KSR2: variants seen among roughly 807,000 people sequenced by gnomAD.
The protein encoded by KSR2 is kinase suppressor of ras 2.
A neutral mutation model predicts 107.8 loss-of-function variants in KSR2; 25 were observed. The observed-to-expected ratio is 0.23, with a 90% CI of 0.17 to 0.32. KSR2 has a LOEUF of 0.32. KSR2 is among the 10% of genes least tolerant of loss of function. KSR2 has a pLI of 1.00. For missense variants in KSR2, 887 were observed against 1,268.9 expected (o/e 0.70, Z 4.57); for synonymous variants, 480 against 507.0 (o/e 0.95, Z 0.71).
chr12:117,684,551 T>C (rs1885491683), intron 4 of KSR2, among the ~76,000 whole-genome samples: 1 of 152,150 alleles, frequency 6.6e-6, no homozygotes, highest in Non-Finnish European at 1.5e-5. Flanking sequence ...CCTCTATACA[T>C]ATTTCCAATA....
At chr12:117,799,126 T>C (rs1477362974) in intron 3 of KSR2, among the ~76,000 whole-genome samples, 2 of 152,206 alleles carry the variant, frequency 1.3e-5, no homozygotes, top group African/African-American at 4.8e-5. Context: ...TTTGGTGTGA[T>C]GAATATGTAT....
At chr12:117,876,767 A>T (rs916722087) in intron 1 of KSR2, among the ~76,000 whole-genome samples, 5 of 148,792 alleles carry the variant, frequency 3.4e-5, no homozygotes, top group Non-Finnish European at 7.4e-5. Flanking sequence ...ATATATATTT[A>T]TATATATATA....
At chr12:117,713,055 A>C (rs1245044107) in intron 4 of KSR2, among the ~76,000 whole-genome samples, 2 of 107,032 alleles carry the variant, frequency 1.9e-5, no homozygotes, top group Admixed American at 8.3e-5. Context: ...AAATATATAA[A>C]TATATATATA....
Position 117,462,429 on chromosome 12 carries a change from CAG to C in KSR2, c.*4768_*4769del, listed in dbSNP as rs1870949280. On this transcript the variant is annotated 3_prime_UTR_variant, in exon 20 of 20. Transcript: ENST00000339824. ...ATGGCCATATGAAGATAGGGACACACAGAGAGATGATGAGGGCAGGGATTGGA... is the reference window on the plus strand; with the variant it reads ...ATGGCCATATGAAGATAGGGACACACAGAGATGATGAGGGCAGGGATTGGA... The C allele has an allele frequency of 1.3e-5, 2 of 151,888 alleles. No homozygotes were observed. Among genetic ancestry groups the C allele is most frequent in the Non-Finnish European group, 2.9e-5 (2 of 68,022 alleles). 9.4% of individuals were successfully genotyped at this position (151,888 alleles called of 1,614,324 possible).
rs145706294 is a variant in KSR2 at position 117,609,896 on chromosome 12, A to C, written c.1172-27537T>G. On this transcript the variant is annotated intron_variant, in intron 5 of 19. Coordinates refer to ENST00000339824, the MANE Select transcript of KSR2 (RefSeq NM_173598.6). ...GGAGTGGAAAATCACTCCCAGTTGA[A>C]AACTACTGCCATATGGCCCACAAAA... Among the ~76,000 whole-genome samples the C allele has an allele frequency of 2.9e-4, 44 of 152,292 alleles. No homozygotes were observed. In the East Asian group the frequency reaches 7.5e-3, roughly 26 times the overall value.
chr12:117,659,029 C>T (rs542823036), intron 5 of KSR2, among the ~76,000 whole-genome samples: 1 of 152,080 alleles, frequency 6.6e-6, no homozygotes, highest in Admixed American at 6.6e-5. Flanking sequence ...ACAGTTCTAT[C>T]GCAGATAGAA....
intron 3 of KSR2, among the ~76,000 whole-genome samples, chr12:117,784,785 G>C (rs992391708): frequency 2.0e-5 from 3 of 152,156 alleles, no homozygotes; most frequent in Non-Finnish European, 1.5e-5. Flanking sequence ...GCCAGATAAT[G>C]TGCAAGTTAT....
At chr12:117,932,528 C>T (rs1241596734) in intron 1 of KSR2, among the ~76,000 whole-genome samples, 3 of 151,976 alleles carry the variant, frequency 2.0e-5, no homozygotes, top group Non-Finnish European at 2.9e-5. Context: ...CCAGCCTGGG[C>T]AATACAGCAA....
intron 3 of KSR2, among the ~76,000 whole-genome samples, chr12:117,798,087 G>A (rs998127656): frequency 4.3e-5 from 4 of 92,482 alleles, no homozygotes; most frequent in African/African-American, 3.5e-4. Context: ...TATCTCAAAA[G>A]CTAATTTTTT....
intron 14 of KSR2, among the ~76,000 whole-genome samples, chr12:117,498,433 A>G (rs547133740): frequency 1.6e-4 from 25 of 152,306 alleles, no homozygotes; most frequent in African/African-American, 6.0e-4. Flanking sequence ...AGAAGGTCTC[A>G]GAGCTGCTGG....
chr12:117,691,529 T>C (rs1885814527), intron 4 of KSR2, among the ~76,000 whole-genome samples: 2 of 152,202 alleles, frequency 1.3e-5, no homozygotes, highest in South Asian at 4.1e-4. Flanking sequence ...CAGTGAGGTT[T>C]GGCAGGTTGA....
At chr12:117,890,385 T>C (rs17586112) in intron 1 of KSR2, among the ~76,000 whole-genome samples, 23,348 of 152,170 alleles carry the variant, frequency 0.15, 2,360 homozygotes, top group East Asian at 0.48. Flanking sequence ...GAGCACCAGA[T>C]AGTACCTTTG....
intron 3 of KSR2, among the ~76,000 whole-genome samples, chr12:117,837,311 T>C (rs1892259990): frequency 6.6e-6 from 1 of 152,204 alleles, no homozygotes; most frequent in South Asian, 2.1e-4. Flanking sequence ...AAAGTTGAGA[T>C]GATCAGACCG....
intron 1 of KSR2, among the ~76,000 whole-genome samples, chr12:117,878,475 G>T (rs1023004020): frequency 6.6e-6 from 1 of 152,176 alleles, no homozygotes; most frequent in Non-Finnish European, 1.5e-5. Context: ...AGATGATGTT[G>T]TTAAAAATAA....
intron 3 of KSR2, among the ~76,000 whole-genome samples, chr12:117,763,074 T>C (rs1296941247): frequency 2.6e-5 from 4 of 152,058 alleles, no homozygotes; most frequent in African/African-American, 9.6e-5. Context: ...CAGAGTGTGA[T>C]GTTCCCCTTC....
intron 3 of KSR2, among the ~76,000 whole-genome samples, chr12:117,788,032 AAGG>A (rs1310503481): frequency 6.6e-6 from 1 of 152,254 alleles, no homozygotes; most frequent in African/African-American, 2.4e-5. Context: ...GGGAACCAGA[AAGG>A]AGAAGTCTTG....
chr12:117,968,622 A>AGAGGAGGAGGGAGAG lies in KSR2; in HGVS notation c.-382_-368dup, dbSNP rs765651235. ...AAAAAGAAGAGGAGAAGGAGGAGAG[A>AGAGGAGGAGGGAGAG]GAGGAGGAGGGAGAGGAGGAGGAGG... On this transcript the variant is annotated 5_prime_UTR_variant, in exon 1 of 20. Transcript: ENST00000339824. 5.6e-4 allele frequency: 185 copies of AGAGGAGGAGGGAGAG among 332,634 alleles called. No homozygotes were observed. The highest frequency in any genetic ancestry group is 1.2e-3 in the Middle Eastern group (1 of 866). 20.6% of individuals were successfully genotyped at this position (332,634 alleles called of 1,614,324 possible).
chr12:117,568,833 T>C (rs142958940), intron 7 of KSR2, among the ~76,000 whole-genome samples: 1 of 152,270 alleles, frequency 6.6e-6, no homozygotes, highest in East Asian at 1.9e-4. Context: ...TTATCATAGG[T>C]AAAAACGCAT....
At chr12:117,734,100 G>A (rs898231536) in intron 4 of KSR2, among the ~76,000 whole-genome samples, 4 of 152,084 alleles carry the variant, frequency 2.6e-5, no homozygotes, top group Admixed American at 1.3e-4. Context: ...GGCCAACATG[G>A]TGAAACCCCG....
Sources: allele counts gnomAD v4.1 joint callset (sites outside exome capture counted in the v4.1 genomes callset), GRCh38; gene constraint gnomAD v4.1.1; transcripts MANE v1.5; gene names NCBI Gene and HGNC (gene_info 2026-07-23, HGNC 2026-07-21).